MAP4K5: variants seen among roughly 807,000 people sequenced by gnomAD.
MAP4K5 encodes mitogen-activated protein kinase kinase kinase kinase 5.
In MAP4K5, 82 loss-of-function variants were observed where a neutral mutation model predicts 135.6. That is an observed-to-expected ratio of 0.60 (90% CI 0.51 to 0.73). The LOEUF (loss-of-function observed/expected upper bound fraction) is 0.73. MAP4K5 is among the 30% of genes least tolerant of loss of function. The probability of loss-of-function intolerance (pLI) is 0.00; values close to 1 mark genes in which losing one functional copy is unlikely to be tolerated. For synonymous variants in MAP4K5, 347 were observed against 335.0 expected, an observed-to-expected ratio of 1.04 and a Z score of -0.39; for missense variants, 907 against 1,010.9, an observed-to-expected ratio of 0.90 and a Z score of 1.39.
intron 2 of MAP4K5, among the ~76,000 whole-genome samples, chr14:50,527,388 C>G (rs2038289863): frequency 7.1e-6 from 1 of 140,600 alleles, no homozygotes; most frequent in Non-Finnish European, 1.5e-5. Context: ...CTAGCCTGGG[C>G]AAAAGAGCAA....
At chr14:50,485,788 C>T (rs2037351012) in intron 4 of MAP4K5, 146 bp from the exon 5 acceptor site, 5 of 577,944 alleles carry the variant, frequency 8.7e-6, no homozygotes, top group East Asian at 3.0e-5. Flanking sequence ...CTACAATATA[C>T]AGAAAAGCAC....
chr14:50,440,577 G>A (rs577034613), intron 21 of MAP4K5, 136 bp from the exon 22 acceptor site: 2 of 533,382 alleles, frequency 3.7e-6, no homozygotes, highest in Non-Finnish European at 6.6e-6. Context: ...TCTTAAATTT[G>A]TATCACCTTC....
intron 19 of MAP4K5, 78 bp downstream of exon 19, chr14:50,443,861 G>C (rs755303602): frequency 2.8e-5 from 41 of 1,463,096 alleles, no homozygotes; most frequent in Non-Finnish European, 3.8e-5. Context: ...TTGAATTACT[G>C]AATTAAACAG....
chr14:50,470,027 T>C (rs1341589124), intron 9 of MAP4K5, among the ~76,000 whole-genome samples: 2 of 152,196 alleles, frequency 1.3e-5, no homozygotes, highest in East Asian at 1.9e-4. Context: ...ACAATGGATA[T>C]AGGAGTAAGG....
intron 22 of MAP4K5, 37 bp downstream of exon 22, chr14:50,440,324 TG>T: frequency 7.6e-7 from 1 of 1,311,600 alleles, no homozygotes; most frequent in South Asian, 1.3e-5. Flanking sequence ...TTATTCAATT[TG>T]TTTAAATTAA....
intron 3 of MAP4K5, among the ~76,000 whole-genome samples, chr14:50,487,467 G>A (rs1399720440): frequency 6.6e-6 from 1 of 152,124 alleles, no homozygotes; most frequent in Non-Finnish European, 1.5e-5. Context: ...AAAGGGTTAG[G>A]GAAGCCAAAT....
At chr14:50,472,506 A>C (rs1431381276) in intron 9 of MAP4K5, 1 of 152,206 alleles carries the variant, frequency 6.6e-6, no homozygotes, top group Non-Finnish European at 1.5e-5. Flanking sequence ...TATGAATGTA[A>C]GGAATATGGG....
intron 28 of MAP4K5, among the ~76,000 whole-genome samples, chr14:50,429,605 C>T (rs1259374943): frequency 7.2e-5 from 11 of 152,130 alleles, no homozygotes; most frequent in Admixed American, 7.2e-4. Flanking sequence ...TTTTGCTCTG[C>T]ATTTTATATA....
intron 6 of MAP4K5, among the ~76,000 whole-genome samples, chr14:50,478,055 TAG>T (rs1280901042): frequency 6.6e-6 from 1 of 152,164 alleles, no homozygotes; most frequent in East Asian, 1.9e-4. Context: ...ATATGTCTGG[TAG>T]AATTTACTGT....
intron 1 of MAP4K5, among the ~76,000 whole-genome samples, chr14:50,555,472 C>T (rs1429187766): frequency 6.6e-6 from 1 of 152,026 alleles, no homozygotes; most frequent in Non-Finnish European, 1.5e-5. Flanking sequence ...TTAGTAGAGA[C>T]GGGGTTTCAC....
intron 12 of MAP4K5, among the ~76,000 whole-genome samples, chr14:50,463,709 C>T (rs1200199791): frequency 6.6e-6 from 1 of 151,766 alleles, no homozygotes; most frequent in Non-Finnish European, 1.5e-5. Flanking sequence ...CACGGTGAAA[C>T]CCTGTCTCTA....
At chr14:50,444,148 G>A (rs1463402798) in intron 18 of MAP4K5, 112 bp from the exon 19 acceptor site, 5 of 728,660 alleles carry the variant, frequency 6.9e-6, no homozygotes, top group Non-Finnish European at 1.2e-5. Context: ...TCCTTTATTG[G>A]GGAATATTCT....
At chr14:50,424,139 C>A (rs1341081478) in intron 31 of MAP4K5, among the ~76,000 whole-genome samples, 2 of 148,700 alleles carry the variant, frequency 1.3e-5, no homozygotes, top group African/African-American at 5.0e-5. Context: ...GAGGAACCCA[C>A]ACTAAGATAT....
chr14:50,523,142 T>A (rs1407223412), intron 2 of MAP4K5, among the ~76,000 whole-genome samples: 1 of 151,926 alleles, frequency 6.6e-6, no homozygotes, highest in African/African-American at 2.4e-5. Flanking sequence ...AGACATCCCA[T>A]CTCTACTAAA....
At chr14:50,457,003 C>G (rs1196129611) in intron 13 of MAP4K5, among the ~76,000 whole-genome samples, 9 of 152,114 alleles carry the variant, frequency 5.9e-5, no homozygotes, top group African/African-American at 2.2e-4. Context: ...CTCTGAAGTA[C>G]CAGTATGTAC....
At position 50,509,254 on chromosome 14, in the gene MAP4K5, G is replaced by C. The variant is rs970973854; in HGVS notation, c.109-4397C>G. Among the ~76,000 whole-genome samples, 20 of 151,890 alleles carry C rather than the reference G, an allele frequency of 1.3e-4. 1 individual carries two copies. Among genetic ancestry groups the C allele is most frequent in the Admixed American group, 5.2e-4 (8 of 15,248 alleles). On this transcript the variant is annotated intron_variant, in intron 2 of 32. Coordinates refer to ENST00000682126, the MANE Select transcript of MAP4K5 (RefSeq NM_006575.6). ...TCATGGGGTGGGGGGCAGGGGGAGG[G>C]ATAGCATTAGGAGAAATACCTAATG...
intron 14 of MAP4K5, among the ~76,000 whole-genome samples, chr14:50,452,045 C>G (rs1393248104): frequency 6.6e-6 from 1 of 152,174 alleles, no homozygotes; most frequent in Admixed American, 6.5e-5. Flanking sequence ...TCTTGAGATG[C>G]TGGACAGCGA....
intron 32 of MAP4K5, 84 bp downstream of exon 32, chr14:50,423,037 G>C: frequency 1.7e-6 from 1 of 600,492 alleles, no homozygotes; most frequent in South Asian, 2.9e-5. Flanking sequence ...AGTTTTGTTT[G>C]AAACAATTAC....
Position 50,424,699 on chromosome 14 carries a change from G to C in MAP4K5, c.2397+1208C>G, listed in dbSNP as rs1043944402. The stretch of plus-strand genomic sequence containing the variant: ...CACTCCAGCCTGGGCGACAGTGTGA[G>C]ACTCCATCTCAAAAAAAAAAAAAAA... On this transcript the variant is annotated intron_variant, in intron 31 of 32. Coordinates refer to ENST00000682126, the MANE Select transcript of MAP4K5 (RefSeq NM_006575.6). 3.8e-5 allele frequency among the ~76,000 whole-genome samples: 4 copies of C among 106,264 alleles called. No homozygotes were observed. The South Asian group carries it at 1.0e-3, about 27-fold the overall frequency. 69.7% of individuals were successfully genotyped at this position (106,264 alleles called of 152,430 possible).
Sources: gnomAD v4.1 joint callset for allele counts (sites outside exome capture counted in the v4.1 genomes callset) on GRCh38, gnomAD v4.1.1 for gene constraint, MANE v1.5 for transcripts, NCBI Gene and HGNC (gene_info 2026-07-23, HGNC 2026-07-21) for gene names.